The following ATP6V0D2 variants were observed in gnomAD, a reference collection of about 807,000 sequenced individuals.
ATP6V0D2 encodes V-type proton ATPase subunit d 2.
Under a neutral mutation model 40.0 loss-of-function variants are expected in ATP6V0D2, and 40 were observed. The ratio of observed to expected loss-of-function variants is 1.00; its 90% CI spans 0.78 to 1.30. The LOEUF (loss-of-function observed/expected upper bound fraction) is 1.30, where lower values mean the gene tolerates loss of function less well. Among genes scored for constraint, ATP6V0D2 ranks in the 50% most tolerant of loss-of-function variants. ATP6V0D2 has a pLI of 0.00. For synonymous variants in ATP6V0D2, 179 were observed against 156.3 expected (o/e 1.15, Z -1.08); for missense variants, 470 against 423.1 (o/e 1.11, Z -0.97).
chr8:86,115,342 T>C (rs1282420488), intron 2 of ATP6V0D2, among the ~76,000 whole-genome samples: 2 of 148,014 alleles, frequency 1.4e-5, no homozygotes, highest in Admixed American at 1.4e-4. Context: ...TCTTTCTTTG[T>C]CCTTCCGTAT....
At chr8:86,118,172 T>C (rs1490750679) in intron 2 of ATP6V0D2, among the ~76,000 whole-genome samples, 1 of 145,822 alleles carries the variant, frequency 6.9e-6, no homozygotes, top group East Asian at 2.1e-4. Flanking sequence ...GTGATTCTCA[T>C]GCCTCAGCCT....
intron 2 of ATP6V0D2, among the ~76,000 whole-genome samples, chr8:86,120,995 C>T (rs1319704603): frequency 6.6e-6 from 1 of 152,048 alleles, no homozygotes; most frequent in Non-Finnish European, 1.5e-5. Flanking sequence ...TTTGAAGGCA[C>T]CCAGGTTATA....
chr8:86,139,789 T>C (rs1040352869), intron 3 of ATP6V0D2, among the ~76,000 whole-genome samples, 154 bp downstream of exon 3: 2 of 152,350 alleles, frequency 1.3e-5, no homozygotes, highest in Non-Finnish European at 2.9e-5. Flanking sequence ...TGCAGATTCC[T>C]GGAAGTGGCA....
chr8:86,111,864 A>G (rs962174209), intron 1 of ATP6V0D2, among the ~76,000 whole-genome samples: 6 of 152,216 alleles, frequency 3.9e-5, no homozygotes, highest in Non-Finnish European at 8.8e-5. Context: ...CTATGTTCCC[A>G]TAAATCAAGG....
chr8:86,153,031 G>GAATAA lies in ATP6V0D2; in HGVS notation c.*56_*57insTAAAA. The GAATAA allele has an allele frequency of 7.0e-7, 1 of 1,437,244 alleles. No homozygotes were observed. The highest frequency in any genetic ancestry group is 2.5e-5 in the Admixed American group (1 of 40,162). The allele number at this position is 1,437,244 out of a possible 1,614,324, so 89.0% of individuals were successfully genotyped here. The stretch of plus-strand genomic sequence containing the variant: ...TTATAAATGTTAAAAGGAAGTTATT[G>GAATAA]AAGAAAATAAAAGAAATTATGTTAT... On this transcript the variant is annotated 3_prime_UTR_variant, in exon 8 of 8. Coordinates refer to ENST00000285393, the MANE Select transcript of ATP6V0D2 (RefSeq NM_152565.1).
intron 2 of ATP6V0D2, among the ~76,000 whole-genome samples, chr8:86,136,220 G>A (rs1818894874): frequency 6.6e-6 from 1 of 152,168 alleles, no homozygotes; most frequent in Admixed American, 6.5e-5. Context: ...AGCTTAGCCT[G>A]TCTATTAGTA....
intron 1 of ATP6V0D2, among the ~76,000 whole-genome samples, chr8:86,102,447 A>G (rs970605963): frequency 9.8e-5 from 15 of 152,350 alleles, no homozygotes; most frequent in African/African-American, 3.4e-4. Context: ...TTCCAATACT[A>G]TATGTTGAAG....
intron 6 of ATP6V0D2, among the ~76,000 whole-genome samples, chr8:86,151,047 T>C (rs1187724721): frequency 8.5e-5 from 13 of 152,242 alleles, no homozygotes; most frequent in Non-Finnish European, 4.4e-5. Context: ...TATTAAAATT[T>C]GAATTTCTCC....
At chr8:86,147,325 C>A (rs1819084583) in intron 5 of ATP6V0D2, among the ~76,000 whole-genome samples, 1 of 152,082 alleles carries the variant, frequency 6.6e-6, no homozygotes, top group Admixed American at 6.6e-5. Context: ...TGATTTTGAG[C>A]AAGTAAACAG....
intron 5 of ATP6V0D2, among the ~76,000 whole-genome samples, chr8:86,144,478 G>GAA (rs67385547): frequency 1.3e-5 from 2 of 151,990 alleles, no homozygotes; most frequent in South Asian, 2.1e-4. Context: ...CAGGTAAAAA[G>GAA]AAAAAAATTA....
intron 2 of ATP6V0D2, among the ~76,000 whole-genome samples, chr8:86,136,662 C>A (rs1483044109): frequency 6.6e-6 from 1 of 152,098 alleles, no homozygotes; most frequent in Non-Finnish European, 1.5e-5. Flanking sequence ...GCTTCAAAAT[C>A]TTCTCTAGTT....
chr8:86,101,972 T>C (rs1006565074), intron 1 of ATP6V0D2, among the ~76,000 whole-genome samples: 13 of 152,192 alleles, frequency 8.5e-5, no homozygotes. Context: ...TCATGACTGC[T>C]GAGAAAACAA....
chr8:86,142,743 A>G (rs1263375154), intron 4 of ATP6V0D2, 134 bp from the exon 5 acceptor site: 11 of 525,620 alleles, frequency 2.1e-5, no homozygotes, highest in East Asian at 1.8e-4. Context: ...CAAATTTATT[A>G]TAAAATATCT....
At chr8:86,114,053 A>G (rs560020175) in intron 2 of ATP6V0D2, among the ~76,000 whole-genome samples, 173 bp downstream of exon 2, 4 of 152,276 alleles carry the variant, frequency 2.6e-5, no homozygotes, top group African/African-American at 7.2e-5. Flanking sequence ...ACATTTTTGC[A>G]TTAGAAAATG....
intron 2 of ATP6V0D2, among the ~76,000 whole-genome samples, chr8:86,129,751 C>G (rs1031837632): frequency 6.6e-6 from 1 of 151,004 alleles, no homozygotes; most frequent in African/African-American, 2.4e-5. Flanking sequence ...TGCAGTGAGC[C>G]GAGATCGTGC....
chr8:86,151,910 A>G (rs1819159405), intron 7 of ATP6V0D2, among the ~76,000 whole-genome samples: 1 of 151,936 alleles, frequency 6.6e-6, no homozygotes, highest in African/African-American at 2.4e-5. Flanking sequence ...CATATGAGAT[A>G]ATGTTTCTTT....
At chr8:86,120,746 G>C (rs551734012) in intron 2 of ATP6V0D2, among the ~76,000 whole-genome samples, 3 of 152,202 alleles carry the variant, frequency 2.0e-5, no homozygotes, top group African/African-American at 7.2e-5. Flanking sequence ...TAAAATTACG[G>C]AAATGGAGTG....
In ATP6V0D2 at chr8:86,101,462, GAAAAAAAAA is replaced by G. The variant is rs59915079; in HGVS notation, c.130+2369_130+2377del. Reference sequence around the variant, plus strand: ...GCGACAGAGTGAGACCCTGTCTCAGGAAAAAAAAAAAAAAAAAAAAAAAGAATTCTAGAA... The same window carrying G: ...GCGACAGAGTGAGACCCTGTCTCAGGAAAAAAAAAAAAAAGAATTCTAGAA... On this transcript the variant is annotated intron_variant, in intron 1 of 7. Transcript: ENST00000285393. 3.6e-4 allele frequency among the ~76,000 whole-genome samples: 28 copies of G among 78,202 alleles called. 1 individual carries two copies. The highest frequency in any genetic ancestry group is 1.7e-3 in the Admixed American group (10 of 5,788). 51.3% of individuals were successfully genotyped at this position (78,202 alleles called of 152,430 possible).
chr8:86,114,597 G>C (rs62511566), intron 2 of ATP6V0D2, among the ~76,000 whole-genome samples: 1 of 152,222 alleles, frequency 6.6e-6, no homozygotes, highest in Non-Finnish European at 1.5e-5. Flanking sequence ...TTAAAGCCGG[G>C]AGGCGGAGGT....
Sources: gnomAD v4.1 joint callset for allele counts (sites outside exome capture counted in the v4.1 genomes callset) on GRCh38, gnomAD v4.1.1 for gene constraint, MANE v1.5 for transcripts, NCBI Gene and HGNC (gene_info 2026-07-23, HGNC 2026-07-21) for gene names.